TTC34: variants seen among roughly 807,000 people sequenced by gnomAD.
TTC34 encodes the protein tetratricopeptide repeat domain 34, also known as tetratricopeptide repeat protein 34.
In TTC34, 44 loss-of-function variants were observed where a neutral mutation model predicts 40.7. The observed-to-expected ratio is 1.08, with a 90% CI of 0.85 to 1.39. The LOEUF is 1.39. Ranked by LOEUF, TTC34 falls within the 40% of genes most tolerant of loss-of-function variation. The pLI, the probability that TTC34 is intolerant of heterozygous loss-of-function variation, is 0.00. For missense variants in TTC34, 884 were observed against 838.0 expected, an observed-to-expected ratio of 1.05 and a Z score of -0.68; for synonymous variants, 422 against 398.6, an observed-to-expected ratio of 1.06 and a Z score of -0.70.
chr1:2,789,349 A>C (rs1205523453), intron 3 of TTC34, among the ~76,000 whole-genome samples, 154 bp downstream of exon 3: 2 of 152,232 alleles, frequency 1.3e-5, no homozygotes, highest in African/African-American at 4.8e-5. Flanking sequence ...GGTCGATGGA[A>C]GCAGCGGAGC....
exon 9 of TTC34, chr1:2,638,372 T>A (rs1638831113): frequency 6.6e-6 from 1 of 152,238 alleles, no homozygotes; most frequent in African/African-American, 2.4e-5. Context: ...TTTAATGCGC[T>A]AGCTCACATT....
At chr1:2,675,651 T>TGCGCGTGTGATGGTCCG (rs1639886173) in intron 6 of TTC34, among the ~76,000 whole-genome samples, 1 of 82,096 alleles carries the variant, frequency 1.2e-5, no homozygotes, top group Non-Finnish European at 2.7e-5. Flanking sequence ...CACCCCCAGG[T>TGCGCGTGTGATGGTCCG]GAGCATCCGA....
At chr1:2,794,208 T>C (rs1643692305) in intron 2 of TTC34, among the ~76,000 whole-genome samples, 3 of 152,324 alleles carry the variant, frequency 2.0e-5, no homozygotes, top group South Asian at 4.1e-4. Flanking sequence ...GTTCCCACTA[T>C]GTTGCCCAGG....
chr1:2,752,202 AC>A (rs1171230764), intron 6 of TTC34, among the ~76,000 whole-genome samples: 3 of 105,618 alleles, frequency 2.8e-5, no homozygotes, highest in Non-Finnish European at 5.5e-5. Context: ...CTGGAACAGA[AC>A]CCACACCCCC....
Position 2,789,627 on chromosome 1 carries a change from G to GC in TTC34, c.1503dup (p.Leu502AlafsTer70), listed in dbSNP as rs904455888. On this transcript the variant is annotated frameshift_variant, in exon 3 of 9. Transcript: ENST00000401095. LOFTEE classifies it high-confidence loss of function. The stretch of plus-strand genomic sequence containing the variant: ...TCCTCCCGCAGCACCACCAGCAGCA[G>GC]CCCCCGCTGGTTCCAGGGCACGTAG... 1.5e-6 allele frequency: 2 copies of GC among 1,372,404 alleles called. No individual in the cohort carries two copies. The highest frequency in any genetic ancestry group is 1.5e-5 in the African/African-American group (1 of 65,596). 85.0% of individuals were successfully genotyped at this position (1,372,404 alleles called of 1,614,324 possible).
At chr1:2,681,645 G>T (rs111471139) in intron 6 of TTC34, among the ~76,000 whole-genome samples, 1 of 71,704 alleles carries the variant, frequency 1.4e-5, no homozygotes, top group African/African-American at 4.9e-5. Context: ...GCACCTGACA[G>T]CCTGGAGCAG....
intron 6 of TTC34, among the ~76,000 whole-genome samples, chr1:2,758,177 T>G (rs1641569047): frequency 6.9e-6 from 1 of 145,666 alleles, no homozygotes; most frequent in Non-Finnish European, 1.5e-5. Flanking sequence ...TCTGACAGCC[T>G]GGAACAGCAC....
chr1:2,686,760 CA>C (rs1640373711), intron 6 of TTC34, among the ~76,000 whole-genome samples: 1 of 142,468 alleles, frequency 7.0e-6, no homozygotes. Flanking sequence ...ACGGCACCCA[CA>C]CCCCCAGGTG....
chr1:2,752,572 C>T lies in TTC34; in HGVS notation c.2226+31037G>A, dbSNP rs1195299762. ...TGACAGCCTGGAACAGCACCTTGCA[C>T]CCCCAGGTGAGAATCTGACAACCTG... On this transcript the variant is annotated intron_variant, in intron 6 of 8. Coordinates refer to ENST00000401095, the Ensembl canonical transcript of TTC34. Among the ~76,000 whole-genome samples the T allele has an allele frequency of 5.7e-4, 28 of 48,728 alleles. 2 individuals carry two copies. The highest frequency in any genetic ancestry group is 1.9e-3 in the African/African-American group (17 of 9,116). The allele number at this position is 48,728 out of a possible 152,430, so 32.0% of individuals were successfully genotyped here. A position where few individuals can be genotyped will look rare whatever the true frequency, so the allele number is the denominator to read the frequency against.
chr1:2,768,816 CA>C (rs1641894597), intron 6 of TTC34, among the ~76,000 whole-genome samples: 1 of 116,160 alleles, frequency 8.6e-6, no homozygotes, highest in Non-Finnish European at 1.8e-5. Context: ...AACAGCACCC[CA>C]CACCCCAGGC....
At chr1:2,687,987 G>T (rs1298170869) in intron 6 of TTC34, among the ~76,000 whole-genome samples, 15 of 89,400 alleles carry the variant, frequency 1.7e-4, no homozygotes, top group South Asian at 6.8e-4. Flanking sequence ...GCATCTGACA[G>T]CCTGGAACAG....
At chr1:2,778,825 T>C (rs968825493) in intron 6 of TTC34, among the ~76,000 whole-genome samples, 5 of 152,222 alleles carry the variant, frequency 3.3e-5, no homozygotes, top group African/African-American at 1.2e-4. Flanking sequence ...ACATTCATCA[T>C]GTTGTGTGGC....
chr1:2,799,292 C>T (rs1643748373), intron 2 of TTC34, among the ~76,000 whole-genome samples: 1 of 152,222 alleles, frequency 6.6e-6, no homozygotes, highest in Non-Finnish European at 1.5e-5. Context: ...CCTGTAATCC[C>T]AGCACTTTGG....
chr1:2,698,849 T>A (rs78032390), intron 6 of TTC34, among the ~76,000 whole-genome samples: 56 of 57,966 alleles, frequency 9.7e-4, no homozygotes, highest in South Asian at 3.1e-3. Flanking sequence ...GTACCCACAC[T>A]CCCAGGCGAG....
At chr1:2,753,046 C>A (rs1641377234) in intron 6 of TTC34, among the ~76,000 whole-genome samples, 2 of 150,898 alleles carry the variant, frequency 1.3e-5, no homozygotes, top group Non-Finnish European at 3.0e-5. Flanking sequence ...CCTGGAGCAG[C>A]ACCCACACCC....
intron 6 of TTC34, among the ~76,000 whole-genome samples, chr1:2,783,315 G>C (rs1426737881): frequency 6.6e-6 from 1 of 152,216 alleles, no homozygotes; most frequent in Non-Finnish European, 1.5e-5. Context: ...ACCCCTGCAT[G>C]CACTGAGCAT....
At chr1:2,752,926 C>CA in intron 6 of TTC34, among the ~76,000 whole-genome samples, 1 of 147,018 alleles carries the variant, frequency 6.8e-6, no homozygotes. Flanking sequence ...CCTGAAACAG[C>CA]TCCCACAACC....
exon 9 of TTC34, chr1:2,637,744 C>T (rs1638820525): frequency 6.6e-6 from 1 of 152,214 alleles, no homozygotes; most frequent in African/African-American, 2.4e-5. Flanking sequence ...CAGTTTAAGT[C>T]ATAGACAGAG....
At chr1:2,698,205 C>A (rs1450188351) in intron 6 of TTC34, among the ~76,000 whole-genome samples, 1 of 49,386 alleles carries the variant, frequency 2.0e-5, no homozygotes, top group African/African-American at 5.0e-5. Context: ...AGCACCCACA[C>A]CCCCAGGCGA....
Sources: gnomAD v4.1 joint callset for allele counts (sites outside exome capture counted in the v4.1 genomes callset) on GRCh38, gnomAD v4.1.1 for gene constraint, MANE v1.5 for transcripts, NCBI Gene and HGNC (gene_info 2026-07-23, HGNC 2026-07-21) for gene names.